SHROOM4: variants seen among roughly 807,000 people sequenced by gnomAD.
SHROOM4 encodes protein Shroom4.
SHROOM4 carries 17 observed loss-of-function variants against 80.3 expected under a neutral mutation model. The ratio of observed to expected loss-of-function variants is 0.21; its 90% CI spans 0.14 to 0.32. The LOEUF (loss-of-function observed/expected upper bound fraction) is 0.32. Ranked by LOEUF, SHROOM4 falls within the 10% of genes least tolerant of loss-of-function variation. The pLI, the probability that SHROOM4 is intolerant of heterozygous loss-of-function variation, is 1.00. For missense variants in SHROOM4, 993 were observed against 1,140.3 expected, an observed-to-expected ratio of 0.87 and a Z score of 1.86; for synonymous variants, 400 against 437.5, an observed-to-expected ratio of 0.91 and a Z score of 1.07.
intron 1 of SHROOM4, among the ~76,000 whole-genome samples, chrX:50,731,772 T>C (rs1445888327): frequency 3.6e-5 from 4 of 111,786 alleles, no homozygotes; most frequent in African/African-American, 9.8e-5. Flanking sequence ...AAGCAGCCTA[T>C]AAAAATGGAT....
At position 50,633,249 on chromosome X, in the gene SHROOM4, G is replaced by C. The variant is rs1438926105; in HGVS notation, c.2824C>G (p.Gln942Glu). ...IRCSVCYHNPQHSALEDSSLA... is the reference protein window; with the variant it reads ...IRCSVCYHNPEHSALEDSSLA... ...CTGCTGTCCTCGAGGGCACTGTGCT[G>C]AGGATTATGATAGCAAACTGAACAC... Residue 942 changes from glutamine (Q) to glutamate (E), a missense_variant, in exon 4 of 9, where the codon CAG becomes GAG. Physicochemically the swap from Gln to Glu is conservative, Grantham distance 29. Transcript: ENST00000376020. 1 of 1,209,937 alleles carries C rather than the reference G, an allele frequency of 8.3e-7. No individual in the cohort carries two copies. The highest frequency in any genetic ancestry group is 1.1e-6 in the Non-Finnish European group (1 of 895,295).
intron 2 of SHROOM4, among the ~76,000 whole-genome samples, chrX:50,681,397 C>T (rs1932939312): frequency 9.0e-6 from 1 of 111,724 alleles, no homozygotes; most frequent in Admixed American, 9.5e-5. Flanking sequence ...GCTTACCACA[C>T]TCCAGTTTTA....
At chrX:50,717,491 G>T (rs782018214) in intron 1 of SHROOM4, among the ~76,000 whole-genome samples, 1 of 112,439 alleles carries the variant, frequency 8.9e-6, no homozygotes, top group East Asian at 2.8e-4. Flanking sequence ...AAAGTGCTGG[G>T]ATTACAGGGG....
rs781897657 is a variant in SHROOM4, at chrX:50,633,390, C to T, written c.2683G>A (p.Ala895Thr). ...TCSYSCSVQG[A>T]LVHDPCIYCS... ...TAAATGCAAGGATCATGGACTAGAG[C>T]TCCTTGAACACTGCAGGAGTAAGAG... is the stretch of plus-strand genomic sequence containing the variant. The change falls in exon 4 of 9, where the codon GCT (alanine) becomes ACT (threonine). Residue 895 changes from alanine to threonine, a missense_variant. By Grantham distance (58) the Ala-to-Thr change is moderately conservative. Transcript: ENST00000376020. 27 of 1,210,160 alleles carry T rather than the reference C, an allele frequency of 2.2e-5. No individual in the cohort carries two copies. The highest frequency in any genetic ancestry group is 2.9e-5 in the Non-Finnish European group (26 of 895,064).
At chrX:50,601,486 T>C (rs1426726031) in intron 7 of SHROOM4, among the ~76,000 whole-genome samples, 1 of 112,292 alleles carries the variant, frequency 8.9e-6, no homozygotes, top group Non-Finnish European at 1.9e-5. Context: ...CTACGGGTCA[T>C]ATCCTGAAAG....
At chrX:50,646,534 G>GTT (rs1557257947) in intron 2 of SHROOM4, among the ~76,000 whole-genome samples, 1 of 79,348 alleles carries the variant, frequency 1.3e-5, no homozygotes, top group Non-Finnish European at 2.3e-5. Context: ...AAGAGTGTGT[G>GTT]TGTGTGTGTG....
intron 1 of SHROOM4, among the ~76,000 whole-genome samples, chrX:50,716,354 C>T (rs932302120): frequency 4.0e-4 from 45 of 111,499 alleles, no homozygotes; most frequent in African/African-American, 1.4e-3. Flanking sequence ...TAAGTGTTCT[C>T]ACCACAAAAA....
chrX:50,611,674 C>T (rs1458042778), intron 5 of SHROOM4, among the ~76,000 whole-genome samples: 1 of 110,571 alleles, frequency 9.0e-6, no homozygotes, highest in South Asian at 3.9e-4. Context: ...AATCACAGCA[C>T]TTTGGGAGGC....
chrX:50,774,280 G>A (rs1347900169), intron 1 of SHROOM4, among the ~76,000 whole-genome samples: 2 of 110,971 alleles, frequency 1.8e-5, no homozygotes, highest in Non-Finnish European at 3.8e-5. Flanking sequence ...GCCTTTCTAG[G>A]GTCTCAGTAT....
In SHROOM4 at chrX:50,633,925, A is replaced by G. The variant is rs782647873; in HGVS notation, c.2148T>C (p.His716=). 1.1e-4 allele frequency: 135 copies of G among 1,210,094 alleles called. No homozygotes were observed. The highest frequency in any genetic ancestry group is 1.5e-4 in the Non-Finnish European group (133 of 895,260). ...DPSSSDPEKA[H]AHCGVRGGHW... is the part of the protein sequence containing the mutation. ...GACCTCCACGGACTCCACAGTGAGCATGTGCTTTCTCAGGGTCTGAGGAGG... is the reference window on the plus strand; with the variant it reads ...GACCTCCACGGACTCCACAGTGAGCGTGTGCTTTCTCAGGGTCTGAGGAGG... Residue 716 remains histidine, a synonymous_variant, in exon 4 of 9, where the codon CAT becomes CAC. Transcript: ENST00000376020.
chrX:50,617,083 T>C (rs1179629187), intron 5 of SHROOM4, among the ~76,000 whole-genome samples: 1 of 111,845 alleles, frequency 8.9e-6, no homozygotes, highest in Non-Finnish European at 1.9e-5. Context: ...GGACAGGCAA[T>C]TGAGCAAAGC....
At chrX:50,585,434 T>C (rs1236939605), downstream of SHROOM4, among the ~76,000 whole-genome samples, 1 of 110,764 alleles carries the variant, frequency 9.0e-6, no homozygotes, top group African/African-American at 3.3e-5. Context: ...TGAGACTGCA[T>C]GACACATTTG....
chrX:50,628,959 C>G (rs1039361253), intron 4 of SHROOM4, among the ~76,000 whole-genome samples: 2 of 111,793 alleles, frequency 1.8e-5, no homozygotes, highest in African/African-American at 6.5e-5. Context: ...GACTCTGCCT[C>G]GATGCCCTTG....
At chrX:50,685,298 T>C (rs1933045910) in intron 2 of SHROOM4, among the ~76,000 whole-genome samples, 1 of 111,301 alleles carries the variant, frequency 9.0e-6, no homozygotes, top group Non-Finnish European at 1.9e-5. Context: ...AAAGATGCCA[T>C]AGACTGAAAT....
chrX:50,618,717 C>T (rs1434333517), intron 5 of SHROOM4, among the ~76,000 whole-genome samples: 3 of 111,514 alleles, frequency 2.7e-5, no homozygotes, highest in Admixed American at 9.5e-5. Flanking sequence ...TGTTGGGCCC[C>T]GTGTTAGGCA....
intron 1 of SHROOM4, among the ~76,000 whole-genome samples, chrX:50,783,392 C>A (rs909478134): frequency 2.7e-5 from 3 of 111,404 alleles, no homozygotes; most frequent in Middle Eastern, 9.2e-3. Flanking sequence ...TAGAGTGAAA[C>A]TACAAAACAT....
chrX:50,691,004 A>G (rs1933206208), intron 2 of SHROOM4, among the ~76,000 whole-genome samples: 1 of 112,883 alleles, frequency 8.9e-6, no homozygotes, highest in Non-Finnish European at 1.9e-5. Flanking sequence ...TGTGACATAC[A>G]TATGATCATT....
chrX:50,641,162 G>A (rs1931583446), intron 2 of SHROOM4, among the ~76,000 whole-genome samples: 1 of 111,388 alleles, frequency 9.0e-6, no homozygotes. Context: ...CTCACAATTG[G>A]GTCCATAATA....
intron 1 of SHROOM4, among the ~76,000 whole-genome samples, chrX:50,782,867 TGGG>T (rs1569548974): frequency 9.0e-6 from 1 of 110,677 alleles, no homozygotes; most frequent in Non-Finnish European, 1.9e-5. Flanking sequence ...GAAGGGGAAA[TGGG>T]GAGTTGCTAA....
Sources: allele counts gnomAD v4.1 joint callset (sites outside exome capture counted in the v4.1 genomes callset), GRCh38; gene constraint gnomAD v4.1.1; transcripts MANE v1.5; gene names NCBI Gene and HGNC (gene_info 2026-07-23, HGNC 2026-07-21).